The following YAF2 variants were observed in gnomAD, a reference collection of about 807,000 sequenced individuals.
YAF2 encodes YY1 associated factor 2.
Under a neutral mutation model 20.1 loss-of-function variants are expected in YAF2, and 7 were observed. That is an observed-to-expected ratio of 0.35 (90% CI 0.20 to 0.65). The LOEUF (loss-of-function observed/expected upper bound fraction) is 0.65. Ranked by LOEUF, YAF2 falls within the 30% of genes least tolerant of loss-of-function variation. The probability of loss-of-function intolerance (pLI) is 0.69; values close to 1 mark genes in which losing one functional copy is unlikely to be tolerated. For synonymous variants in YAF2, 74 were observed against 76.0 expected (o/e 0.97, Z 0.14); for missense variants, 151 against 219.2 (o/e 0.69, Z 1.96).
intron 2 of YAF2, among the ~76,000 whole-genome samples, chr12:42,173,253 G>T (rs17091018): frequency 2.0e-5 from 3 of 151,918 alleles, no homozygotes; most frequent in Non-Finnish European, 2.9e-5. Flanking sequence ...GGGGCTCCAC[G>T]GTCTATATGT....
chr12:42,235,281 A>T, intron 2 of YAF2: 1 of 998,386 alleles, frequency 1.0e-6, no homozygotes, highest in Non-Finnish European at 1.2e-6. Context: ...TTCATTAATA[A>T]GTCAATTATG....
At chr12:42,220,828 C>T (rs992203653) in intron 2 of YAF2, among the ~76,000 whole-genome samples, 4 of 152,192 alleles carry the variant, frequency 2.6e-5, no homozygotes, top group Non-Finnish European at 5.9e-5. Context: ...CATACACACA[C>T]ATCCAGTCAT....
Position 42,158,382 on chromosome 12 carries a change from T to C in YAF2, c.*2207A>G, listed in dbSNP as rs978357876. 4 of 152,154 alleles carry C rather than the reference T, an allele frequency of 2.6e-5. No homozygotes were observed. The highest frequency in any genetic ancestry group is 9.6e-5 in the African/African-American group (4 of 41,454). 9.4% of individuals were successfully genotyped at this position (152,154 alleles called of 1,614,324 possible). ...TCCAAGAGGGCAGGAAAATAACTGT[T>C]ACAAAAAATATTTTTGTATTTTTGT... On this transcript the variant is annotated 3_prime_UTR_variant, in exon 4 of 4. Transcript: ENST00000534854.
In YAF2 at chr12:42,207,808, G is replaced by A. The variant is rs542287551; in HGVS notation, c.152+29791C>T. 6.6e-5 allele frequency among the ~76,000 whole-genome samples: 10 copies of A among 152,016 alleles called. No individual in the cohort carries two copies. In the East Asian group the frequency reaches 1.2e-3, roughly 18 times the overall value. ...TGGGAGGCTGAGGCAGGAGAATGGCGTGAACCCAGGAGGCAGAGCTTGCAG... is the reference window on the plus strand; with the variant it reads ...TGGGAGGCTGAGGCAGGAGAATGGCATGAACCCAGGAGGCAGAGCTTGCAG... On this transcript the variant is annotated intron_variant, in intron 2 of 3. Coordinates refer to ENST00000534854, the MANE Select transcript of YAF2 (RefSeq NM_005748.6).
chr12:42,211,776 C>T (rs2067218837), intron 2 of YAF2, among the ~76,000 whole-genome samples: 2 of 149,750 alleles, frequency 1.3e-5, no homozygotes, highest in African/African-American at 4.9e-5. Context: ...CAGCCAGGCA[C>T]GGTGGCTTGC....
chr12:42,230,676 G>A (rs966410577), intron 2 of YAF2, among the ~76,000 whole-genome samples: 2 of 152,194 alleles, frequency 1.3e-5, no homozygotes, highest in African/African-American at 4.8e-5. Flanking sequence ...GGACATGAAG[G>A]AGGACTACAA....
chr12:42,170,409 C>T (rs190730094), intron 2 of YAF2, among the ~76,000 whole-genome samples: 2 of 152,250 alleles, frequency 1.3e-5, no homozygotes, highest in East Asian at 1.9e-4. Context: ...ATTTATCTTG[C>T]GTATCTTAAT....
intron 2 of YAF2, chr12:42,199,385 C>T: frequency 3.5e-6 from 1 of 285,070 alleles, no homozygotes; most frequent in Non-Finnish European, 6.6e-6. Flanking sequence ...GTGACATAAA[C>T]ATTGTTCACT....
chr12:42,234,189 AAAGAGAAAAG>A (rs1462142100), intron 2 of YAF2: 1 of 878,026 alleles, frequency 1.1e-6, no homozygotes, highest in African/African-American at 2.8e-5. Flanking sequence ...TCAAAAAAAA[AAAGAGAAAAG>A]AAAAGAAAAG....
chr12:42,200,249 T>A (rs2066862827), intron 2 of YAF2, among the ~76,000 whole-genome samples: 1 of 152,200 alleles, frequency 6.6e-6, no homozygotes, highest in Non-Finnish European at 1.5e-5. Context: ...CTCCTTCTCC[T>A]ATTTGTATTT....
At chr12:42,164,844 C>A (rs568084486) in intron 2 of YAF2, among the ~76,000 whole-genome samples, 1 of 152,006 alleles carries the variant, frequency 6.6e-6, no homozygotes, top group Non-Finnish European at 1.5e-5. Context: ...CCAAGGCAGG[C>A]AGATCATTTG....
intron 2 of YAF2, among the ~76,000 whole-genome samples, chr12:42,230,262 A>AAAGAAAGAGAAGAAAGAG (rs539718739): frequency 1.0e-3 from 154 of 150,186 alleles, no homozygotes; most frequent in African/African-American, 3.8e-3. Context: ...TCAAGAAAGA[A>AAAGAAAGAGAAGAAAGAG]AAGAAAGAGA....
At chr12:42,212,361 T>G (rs1400094185) in intron 2 of YAF2, 1 of 346,206 alleles carries the variant, frequency 2.9e-6, no homozygotes, top group Non-Finnish European at 5.6e-6. Context: ...CAGTGATGAC[T>G]TCTAACACTA....
chr12:42,168,434 G>A (rs538796463), intron 2 of YAF2, among the ~76,000 whole-genome samples: 5 of 151,942 alleles, frequency 3.3e-5, no homozygotes, highest in East Asian at 1.9e-4. Flanking sequence ...CACCTGCCTC[G>A]GCCTACCAAA....
chr12:42,183,177 C>T (rs2066388084), intron 2 of YAF2, among the ~76,000 whole-genome samples: 1 of 152,104 alleles, frequency 6.6e-6, no homozygotes, highest in South Asian at 2.1e-4. Flanking sequence ...CTGGCTGCTC[C>T]ACTGACCAGC....
chr12:42,237,904 C>T, intron 1 of YAF2, 180 bp from the exon 2 acceptor site: 1 of 536,124 alleles, frequency 1.9e-6, no homozygotes, highest in Non-Finnish European at 2.4e-6. Flanking sequence ...AGGCAGGGCG[C>T]GAGCGCGGCC....
At chr12:42,177,998 T>C (rs1159324602) in intron 2 of YAF2, among the ~76,000 whole-genome samples, 2 of 152,150 alleles carry the variant, frequency 1.3e-5, no homozygotes, top group Admixed American at 6.5e-5. Flanking sequence ...CAGAATAGAA[T>C]ATAGGCTCCC....
At chr12:42,168,354 G>A (rs966698487) in intron 2 of YAF2, among the ~76,000 whole-genome samples, 1 of 151,558 alleles carries the variant, frequency 6.6e-6, no homozygotes, top group African/African-American at 2.4e-5. Context: ...AATTTTTTTT[G>A]TATTTTTAGT....
In YAF2 at chr12:42,175,292, T is replaced by C. The variant is rs113620053; in HGVS notation, c.153-13527A>G. 8.6e-3 allele frequency among the ~76,000 whole-genome samples: 1,307 copies of C among 152,196 alleles called. 14 individuals are homozygous for C. The highest frequency in any genetic ancestry group is 0.031 in the African/African-American group (1,266 of 41,490). On this transcript the variant is annotated intron_variant, in intron 2 of 3. Transcript: ENST00000534854. ...CTGTATGATTCCATTCACATAAATT[T>C]CTAGAAAATGCAAACTAATTTATAG...
Sources: gnomAD v4.1 joint callset for allele counts (sites outside exome capture counted in the v4.1 genomes callset) on GRCh38, gnomAD v4.1.1 for gene constraint, MANE v1.5 for transcripts, NCBI Gene and HGNC (gene_info 2026-07-23, HGNC 2026-07-21) for gene names.